The following CLPB variants were observed in gnomAD, a reference collection of about 807,000 sequenced individuals.
The protein encoded by CLPB is mitochondrial disaggregase.
In CLPB, 40 loss-of-function variants were observed where a neutral mutation model predicts 78.4. That is an observed-to-expected ratio of 0.51 (90% CI 0.40 to 0.66). CLPB has a LOEUF of 0.66. Among genes scored for constraint, CLPB ranks in the 30% least tolerant of loss-of-function variants. The pLI is 0.00. For missense variants in CLPB, 780 were observed against 886.9 expected (o/e 0.88, Z 1.53); for synonymous variants, 333 against 348.0 (o/e 0.96, Z 0.48).
chr11:72,426,245 G>A (rs1379661080), intron 2 of CLPB, among the ~76,000 whole-genome samples: 1 of 152,180 alleles, frequency 6.6e-6, no homozygotes, highest in Admixed American at 6.5e-5. Context: ...CACCCACTTT[G>A]TGCTGAAGGA....
intron 5 of CLPB, among the ~76,000 whole-genome samples, chr11:72,348,288 A>G (rs545440243): frequency 7.0e-4 from 107 of 152,170 alleles, no homozygotes; most frequent in Non-Finnish European, 1.4e-3. Flanking sequence ...AAAAATCACA[A>G]TGGTCACTAA....
chr11:72,302,911 A>G (rs1949684583), intron 9 of CLPB: 1 of 153,814 alleles, frequency 6.5e-6, no homozygotes, highest in East Asian at 1.9e-4. Context: ...AAATGAATAT[A>G]TTTTAAAATG....
intron 2 of CLPB, among the ~76,000 whole-genome samples, chr11:72,425,856 G>C (rs1417504069): frequency 1.3e-5 from 2 of 152,042 alleles, no homozygotes; most frequent in East Asian, 3.8e-4. Flanking sequence ...CTATGATCAG[G>C]TGCCATTTCC....
In CLPB at chr11:72,372,985, T is replaced by C; in HGVS notation, c.646+7296A>G. 1.9e-6 allele frequency: 3 copies of C among 1,614,138 alleles called. No homozygotes were observed. The highest frequency in any genetic ancestry group is 1.6e-4 in the Middle Eastern group (1 of 6,062). ...AGGGCACTTGTCCACTGGTTTGTGA[T>C]GTGCCGGCTTGCACCGTCCTGTCCC... On this transcript the variant is annotated intron_variant, in intron 4 of 15. Coordinates refer to ENST00000538039, the MANE Select transcript of CLPB (RefSeq NM_001258392.3).
chr11:72,395,753 G>C (rs996562648), intron 3 of CLPB, among the ~76,000 whole-genome samples: 1 of 152,168 alleles, frequency 6.6e-6, no homozygotes, highest in Non-Finnish European at 1.5e-5. Flanking sequence ...AGGCAGGACC[G>C]ACTTCCATGT....
chr11:72,361,027 C>T (rs1244546650), intron 4 of CLPB, among the ~76,000 whole-genome samples: 1 of 152,142 alleles, frequency 6.6e-6, no homozygotes, highest in East Asian at 1.9e-4. Flanking sequence ...TCCTGTTTTC[C>T]TGTTTGGGTG....
intron 2 of CLPB, among the ~76,000 whole-genome samples, chr11:72,414,340 T>C (rs893456436): frequency 3.3e-5 from 5 of 152,146 alleles, no homozygotes; most frequent in African/African-American, 4.8e-5. Context: ...GAAAGGGTCA[T>C]AGGCGCCACC....
chr11:72,305,858 G>A (rs1249814130), intron 9 of CLPB, among the ~76,000 whole-genome samples: 1 of 152,184 alleles, frequency 6.6e-6, no homozygotes, highest in East Asian at 1.9e-4. Context: ...GACATATGAA[G>A]ACAGCTTGGA....
intron 6 of CLPB, among the ~76,000 whole-genome samples, chr11:72,326,059 G>A (rs1431751935): frequency 6.6e-6 from 1 of 152,114 alleles, no homozygotes; most frequent in Non-Finnish European, 1.5e-5. Flanking sequence ...CTTTCCTGCA[G>A]CTTTAGTTTT....
At chr11:72,307,440 T>A (rs1463350116) in intron 8 of CLPB, among the ~76,000 whole-genome samples, 186 bp from the exon 9 acceptor site, 1 of 152,178 alleles carries the variant, frequency 6.6e-6, no homozygotes, top group Non-Finnish European at 1.5e-5. Context: ...GGGACCAAAA[T>A]CAAAGTCTGC....
intron 6 of CLPB, among the ~76,000 whole-genome samples, chr11:72,326,620 A>G (rs970694182): frequency 2.6e-5 from 4 of 152,138 alleles, no homozygotes; most frequent in Admixed American, 6.5e-5. Context: ...GGGGAGCCAG[A>G]TAAGATCAGA....
chr11:72,311,569 C>T (rs1009328192), intron 7 of CLPB, among the ~76,000 whole-genome samples: 3 of 152,170 alleles, frequency 2.0e-5, no homozygotes, highest in African/African-American at 4.8e-5. Flanking sequence ...CCTGAGCCTG[C>T]GCTGTACTAT....
rs1048605549 is a variant in CLPB, at chr11:72,312,518, A to G, written c.989-3914T>C. ...GTCCTGGGTGCCCTATTTTCTGAGG[A>G]CCCCTGAGACTAGCCCAACACTGGT... On this transcript the variant is annotated intron_variant, in intron 7 of 15. Coordinates refer to ENST00000538039, the MANE Select transcript of CLPB (RefSeq NM_001258392.3). This position sits in a 1 kb window ranked among gnomAD's most constrained non-coding sequence, Gnocchi z 4.2. Among the ~76,000 whole-genome samples the G allele has an allele frequency of 9.2e-5, 14 of 152,036 alleles. No individual in the cohort carries two copies. The highest frequency in any genetic ancestry group is 1.9e-4 in the Non-Finnish European group (13 of 68,004).
rs1401614227 is a variant in CLPB, at chr11:72,317,068, G to T, written c.988+38C>A. ...TGACGACAGGATGTACCCCTCAAAG[G>T]GCACCACTCTGCCCTTTCTGGTGTC... On this transcript the variant is annotated intron_variant, in intron 7 of 15. Transcript: ENST00000538039. 4 of 1,467,178 alleles carry T rather than the reference G, an allele frequency of 2.7e-6. 1 individual carries two copies. In the South Asian group the frequency reaches 3.7e-5, roughly 14 times the overall value. The allele number at this position is 1,467,178 out of a possible 1,614,324, so 90.9% of individuals were successfully genotyped here.
intron 5 of CLPB, among the ~76,000 whole-genome samples, chr11:72,344,979 G>T (rs117190399): frequency 0.029 from 4,410 of 152,224 alleles, 110 homozygotes; most frequent in Non-Finnish European, 0.04. Flanking sequence ...ATTACAATGA[G>T]ATACTATGTC....
At chr11:72,316,148 G>C (rs1042807896) in intron 7 of CLPB, among the ~76,000 whole-genome samples, 1 of 152,296 alleles carries the variant, frequency 6.6e-6, no homozygotes, top group East Asian at 1.9e-4. Flanking sequence ...CACACGACCA[G>C]GTAGGGCCTT....
At chr11:72,369,175 T>C (rs1031973325) in intron 4 of CLPB, among the ~76,000 whole-genome samples, 2 of 152,148 alleles carry the variant, frequency 1.3e-5, no homozygotes, top group African/African-American at 4.8e-5. Flanking sequence ...GACCCTTCTT[T>C]TTAGTGCAGA....
intron 6 of CLPB, among the ~76,000 whole-genome samples, chr11:72,320,836 C>T (rs961737539): frequency 2.0e-5 from 3 of 152,112 alleles, no homozygotes; most frequent in Non-Finnish European, 4.4e-5. Flanking sequence ...CCTCAGCCTC[C>T]CAAGTAGCTG....
chr11:72,348,808 G>A (rs1950561124), intron 5 of CLPB, among the ~76,000 whole-genome samples: 1 of 152,158 alleles, frequency 6.6e-6, no homozygotes, highest in African/African-American at 2.4e-5. Flanking sequence ...GGCATGCCTA[G>A]TACCCATTAA....
Sources: gnomAD v4.1 joint callset for allele counts (sites outside exome capture counted in the v4.1 genomes callset) on GRCh38, gnomAD v4.1.1 for gene constraint, Gnocchi (gnomAD v3.1) non-coding constraint, MANE v1.5 for transcripts, NCBI Gene and HGNC (gene_info 2026-07-23, HGNC 2026-07-21) for gene names.